TTLL5: variants seen among roughly 807,000 people sequenced by gnomAD.
TTLL5 encodes tubulin tyrosine ligase like 5, also known as tubulin polyglutamylase TTLL5.
In TTLL5, 132 loss-of-function variants were observed where a neutral mutation model predicts 168.4. That is an observed-to-expected ratio of 0.78 (90% CI 0.68 to 0.91). The LOEUF (loss-of-function observed/expected upper bound fraction) is 0.91. TTLL5 is among the 40% of genes least tolerant of loss of function. The pLI, the probability that TTLL5 is intolerant of heterozygous loss-of-function variation, is 0.00. For synonymous variants in TTLL5, 546 were observed against 558.6 expected (o/e 0.98, Z 0.32); for missense variants, 1,545 against 1,581.5 (o/e 0.98, Z 0.39).
At chr14:75,709,355 A>G (rs181813773) in intron 9 of TTLL5, 11 of 604,490 alleles carry the variant, frequency 1.8e-5, no homozygotes, top group Admixed American at 1.6e-4. Context: ...CAGTGAGAGC[A>G]GACTAACCAA....
intron 27 of TTLL5, among the ~76,000 whole-genome samples, chr14:75,812,927 A>G (rs1894141674): frequency 6.6e-6 from 1 of 152,156 alleles, no homozygotes; most frequent in Admixed American, 6.5e-5. Context: ...GCTCCCAGTA[A>G]TGCAGGTGCT....
intron 31 of TTLL5, among the ~76,000 whole-genome samples, chr14:75,920,836 T>A (rs1439666145): frequency 6.6e-6 from 1 of 152,158 alleles, no homozygotes; most frequent in Non-Finnish European, 1.5e-5. Flanking sequence ...TTTACACTCC[T>A]AACAACAGTG....
chr14:75,797,008 G>A (rs1208745667), intron 27 of TTLL5, among the ~76,000 whole-genome samples: 1 of 152,078 alleles, frequency 6.6e-6, no homozygotes, highest in Non-Finnish European at 1.5e-5. Context: ...ATTGCTTTTG[G>A]CAGTGTGGTC....
intron 6 of TTLL5, among the ~76,000 whole-genome samples, chr14:75,694,764 T>C (rs1156299334): frequency 1.3e-5 from 2 of 152,238 alleles, no homozygotes; most frequent in African/African-American, 4.8e-5. Context: ...TTCTTACGCC[T>C]ATCTTTACTG....
chr14:75,693,198 T>A (rs1885584669), intron 6 of TTLL5, among the ~76,000 whole-genome samples: 1 of 152,118 alleles, frequency 6.6e-6, no homozygotes, highest in East Asian at 1.9e-4. Flanking sequence ...TAAATAGGTT[T>A]ATGTTACAAA....
rs185805925 is a variant in TTLL5, at chr14:75,750,036, C to G, written c.1488-2857C>G. 2.2e-3 allele frequency among the ~76,000 whole-genome samples: 335 copies of G among 152,112 alleles called. 1 individual carries two copies. Among genetic ancestry groups the G allele is most frequent in the African/African-American group, 7.6e-3 (317 of 41,482 alleles). On this transcript the variant is annotated intron_variant, in intron 17 of 31. Transcript: ENST00000298832. ...GTACTTTGTATACTTCATTGTTTCA[C>G]TCACATTTTAATGACAGGGATTCTA...
At chr14:75,822,805 C>T (rs570547604) in intron 28 of TTLL5, among the ~76,000 whole-genome samples, 3 of 152,274 alleles carry the variant, frequency 2.0e-5, no homozygotes, top group South Asian at 2.1e-4. Context: ...CTCAGCCCAG[C>T]GCCTCAAATC....
intron 24 of TTLL5, among the ~76,000 whole-genome samples, chr14:75,781,772 T>C (rs2140328656): frequency 6.6e-6 from 1 of 152,100 alleles, no homozygotes; most frequent in Non-Finnish European, 1.5e-5. Flanking sequence ...CTGGTCAACA[T>C]GGTGAAAGCC....
At chr14:75,739,068 A>G (rs947744062) in intron 15 of TTLL5, among the ~76,000 whole-genome samples, 1 of 152,082 alleles carries the variant, frequency 6.6e-6, no homozygotes, top group Non-Finnish European at 1.5e-5. Context: ...CGGCCCTCCC[A>G]AAGTGCTGGG....
intron 18 of TTLL5, among the ~76,000 whole-genome samples, chr14:75,763,037 G>A (rs944427158): frequency 3.9e-5 from 6 of 152,062 alleles, no homozygotes; most frequent in African/African-American, 7.2e-5. Context: ...TGGAGAGAGA[G>A]TTTGTGTGTT....
At chr14:75,946,518 C>G (rs1376899576) in intron 31 of TTLL5, among the ~76,000 whole-genome samples, 1 of 152,164 alleles carries the variant, frequency 6.6e-6, no homozygotes, top group Non-Finnish European at 1.5e-5. Context: ...TGGCCCTTTC[C>G]AAAATGTGAG....
chr14:75,845,600 C>T (rs372407414), intron 28 of TTLL5, among the ~76,000 whole-genome samples: 5 of 152,154 alleles, frequency 3.3e-5, no homozygotes, highest in South Asian at 2.1e-4. Flanking sequence ...ATTTACTGAG[C>T]GCCTGGTTTA....
intron 7 of TTLL5, 97 bp downstream of exon 7, chr14:75,699,367 C>A: frequency 9.3e-7 from 1 of 1,080,656 alleles, no homozygotes; most frequent in Non-Finnish European, 1.4e-6. Flanking sequence ...TCATTAAGAG[C>A]AGGTGTGCTC....
chr14:75,802,046 A>G (rs528136498), intron 27 of TTLL5, among the ~76,000 whole-genome samples: 1 of 151,556 alleles, frequency 6.6e-6, no homozygotes, highest in Non-Finnish European at 1.5e-5. Flanking sequence ...CTCGATTCTT[A>G]TTTTCTGTTT....
At chr14:75,688,838 A>C (rs1885250437) in intron 5 of TTLL5, among the ~76,000 whole-genome samples, 1 of 152,242 alleles carries the variant, frequency 6.6e-6, no homozygotes, top group Non-Finnish European at 1.5e-5. Flanking sequence ...TCAATATCTC[A>C]GAATATAGCA....
chr14:75,894,969 G>T (rs903425617), intron 30 of TTLL5, among the ~76,000 whole-genome samples: 2 of 151,920 alleles, frequency 1.3e-5, no homozygotes, highest in Non-Finnish European at 2.9e-5. Context: ...AATATTAGTG[G>T]GTAATTTATT....
chr14:75,841,055 C>T (rs1004848412), intron 28 of TTLL5, among the ~76,000 whole-genome samples: 1 of 152,166 alleles, frequency 6.6e-6, no homozygotes, highest in African/African-American at 2.4e-5. Context: ...AACCAGATTT[C>T]GTGTGAACGA....
chr14:75,924,091 C>T (rs574721327), intron 31 of TTLL5, among the ~76,000 whole-genome samples: 39 of 150,412 alleles, frequency 2.6e-4, no homozygotes, highest in Non-Finnish European at 1.2e-4. Context: ...TTCGTCCATC[C>T]CTTTGTTTTG....
At chr14:75,817,270 G>A (rs557335308) in intron 27 of TTLL5, among the ~76,000 whole-genome samples, 37 of 152,090 alleles carry the variant, frequency 2.4e-4, no homozygotes, top group African/African-American at 8.4e-4. Context: ...GAGCCACCAC[G>A]CCCAGCCTCT....
Sources: allele counts gnomAD v4.1 joint callset (sites outside exome capture counted in the v4.1 genomes callset), GRCh38; gene constraint gnomAD v4.1.1; transcripts MANE v1.5; gene names NCBI Gene and HGNC (gene_info 2026-07-23, HGNC 2026-07-21).